Variants in GLIS1 observed in about 807,000 individuals in gnomAD.
The protein encoded by GLIS1 is GLIS family zinc finger 1, also known as zinc finger protein GLIS1.
In GLIS1, 24 loss-of-function variants were observed where a neutral mutation model predicts 63.8. The ratio of observed to expected loss-of-function variants is 0.38; its 90% CI spans 0.27 to 0.53. GLIS1 has a LOEUF of 0.53. GLIS1 is among the 20% of genes least tolerant of loss of function. The probability of loss-of-function intolerance (pLI) is 0.85; values close to 1 mark genes in which losing one functional copy is unlikely to be tolerated. For missense variants in GLIS1, 1,036 were observed against 1,074.1 expected (o/e 0.96, Z 0.50); for synonymous variants, 450 against 482.5 (o/e 0.93, Z 0.88).
In GLIS1 at chr1:53,560,037, G is replaced by A. The variant is rs1428773404; in HGVS notation, c.1321-30085C>T. Among the ~76,000 whole-genome samples, 2 of 152,110 alleles carry A rather than the reference G, an allele frequency of 1.3e-5. No homozygotes were observed. Among genetic ancestry groups the A allele is most frequent in the Non-Finnish European group, 2.9e-5 (2 of 68,020 alleles). On this transcript the variant is annotated intron_variant, in intron 4 of 10. Coordinates refer to ENST00000628545, the MANE Select transcript of GLIS1 (RefSeq NM_001367484.1). The surrounding 1 kb of genome is among the most constrained non-coding windows in gnomAD (Gnocchi z 4.4). ...CTTCCTCCTCTGGGAAGTGCTCCCT[G>A]ACTTCCCAGGCAGGATTAGAGGCCC...
At chr1:53,721,674 A>G (rs889082073) in intron 2 of GLIS1, among the ~76,000 whole-genome samples, 5 of 152,196 alleles carry the variant, frequency 3.3e-5, no homozygotes, top group Non-Finnish European at 7.3e-5. Context: ...TTTAAAAACT[A>G]TGTTTGGCAT....
intron 4 of GLIS1, among the ~76,000 whole-genome samples, chr1:53,548,901 G>A (rs147597396): frequency 1.1e-4 from 16 of 152,234 alleles, no homozygotes; most frequent in East Asian, 5.8e-4. Flanking sequence ...TATCACTCCC[G>A]AAAGAAACCT....
At chr1:53,714,717 G>A (rs950730135) in intron 2 of GLIS1, among the ~76,000 whole-genome samples, 1 of 152,132 alleles carries the variant, frequency 6.6e-6, no homozygotes, top group Non-Finnish European at 1.5e-5. Flanking sequence ...GATGAATTAA[G>A]TGTGGCCCTG....
chr1:53,586,066 C>A (rs1412469144), intron 4 of GLIS1, among the ~76,000 whole-genome samples: 2 of 152,166 alleles, frequency 1.3e-5, no homozygotes, highest in African/African-American at 2.4e-5. Flanking sequence ...GGGACTCAGT[C>A]TCCCCTCTGC....
chr1:53,553,478 G>A (rs1241462585), intron 4 of GLIS1, among the ~76,000 whole-genome samples: 1 of 152,194 alleles, frequency 6.6e-6, no homozygotes, highest in Non-Finnish European at 1.5e-5. Context: ...CTAGCTGCTG[G>A]TGACACAGTG....
At chr1:53,512,513 G>A (rs1172005520) in intron 8 of GLIS1, among the ~76,000 whole-genome samples, 2 of 152,134 alleles carry the variant, frequency 1.3e-5, no homozygotes, top group African/African-American at 2.4e-5. Context: ...GGGGAGCCAC[G>A]AGTGGCCGTT....
rs142543507 is a variant in GLIS1 at position 53,511,590 on chromosome 1, T to C, written c.1884-1563A>G. Among the ~76,000 whole-genome samples, 38 of 152,294 alleles carry C rather than the reference T, an allele frequency of 2.5e-4. No homozygotes were observed. The highest frequency in any genetic ancestry group is 8.7e-4 in the African/African-American group (36 of 41,580). ...CTGATACACTGTGGGTCCCTGTCAC[T>C]GTTTTAAGTTCATGAGACGAATCCT... is the stretch of plus-strand genomic sequence containing the variant. On this transcript the variant is annotated intron_variant, in intron 8 of 10. Coordinates refer to ENST00000628545, the MANE Select transcript of GLIS1 (RefSeq NM_001367484.1). The surrounding 1 kb of genome is among the most constrained non-coding windows in gnomAD (Gnocchi z 4.2).
At chr1:53,733,730 G>A (rs1297532265) in intron 2 of GLIS1, among the ~76,000 whole-genome samples, 1 of 152,070 alleles carries the variant, frequency 6.6e-6, no homozygotes, top group African/African-American at 2.4e-5. Flanking sequence ...TTGTCTCACT[G>A]AGCCTGACAT....
intron 4 of GLIS1, among the ~76,000 whole-genome samples, chr1:53,532,891 C>G (rs1417939489): frequency 1.3e-5 from 2 of 152,228 alleles, no homozygotes; most frequent in Non-Finnish European, 2.9e-5. Context: ...CCTCCTGGGA[C>G]TCCTTCCCTT....
intron 2 of GLIS1, among the ~76,000 whole-genome samples, chr1:53,612,558 G>A (rs1372554852): frequency 6.6e-6 from 1 of 151,888 alleles, no homozygotes; most frequent in Non-Finnish European, 1.5e-5. Context: ...TTACTTTTTG[G>A]CACTTCCCCA....
At chr1:53,586,528 G>A (rs959917470) in intron 4 of GLIS1, among the ~76,000 whole-genome samples, 1 of 152,244 alleles carries the variant, frequency 6.6e-6, no homozygotes, top group South Asian at 2.1e-4. Context: ...TGTCCAGAAC[G>A]GCCAGGACCA....
chr1:53,562,394 C>T lies in GLIS1; in HGVS notation c.1320+31714G>A, dbSNP rs138992846. The stretch of plus-strand genomic sequence containing the variant: ...ATGAAACTGAGATGTCAGAGAAGTG[C>T]AGCCCAACCAGGGAAAACAACGAGG... On this transcript the variant is annotated intron_variant, in intron 4 of 10. Transcript: ENST00000628545. Among the ~76,000 whole-genome samples, 666 of 152,266 alleles carry T rather than the reference C, an allele frequency of 4.4e-3. 6 individuals are homozygous for T. Among genetic ancestry groups the T allele is most frequent in the African/African-American group, 0.015 (628 of 41,532 alleles).
chr1:53,561,623 C>A (rs1012662448), intron 4 of GLIS1, among the ~76,000 whole-genome samples: 1 of 152,206 alleles, frequency 6.6e-6, no homozygotes, highest in Admixed American at 6.5e-5. Context: ...CCTGGCCATA[C>A]AAAATCCAGA....
At chr1:53,709,405 T>TATAC (rs1646620336) in intron 2 of GLIS1, among the ~76,000 whole-genome samples, 18 of 117,182 alleles carry the variant, frequency 1.5e-4, no homozygotes, top group East Asian at 4.6e-4. Context: ...CATATACATA[T>TATAC]ATATATACAC....
At chr1:53,676,360 C>T (rs1241475447) in intron 2 of GLIS1, among the ~76,000 whole-genome samples, 1 of 152,172 alleles carries the variant, frequency 6.6e-6, no homozygotes, top group Non-Finnish European at 1.5e-5. Flanking sequence ...TTCCCCAACT[C>T]AGTCTCCTCC....
intron 6 of GLIS1, among the ~76,000 whole-genome samples, chr1:53,523,016 C>G (rs931071888): frequency 5.1e-5 from 6 of 117,694 alleles, no homozygotes; most frequent in African/African-American, 2.6e-4. Context: ...GAGACAGGGT[C>G]TTGCTCTGTC....
Position 53,632,913 on chromosome 1 carries a change from G to A in GLIS1, c.260-32635C>T, listed in dbSNP as rs1645677393. On this transcript the variant is annotated intron_variant, in intron 2 of 10. Coordinates refer to ENST00000628545, the MANE Select transcript of GLIS1 (RefSeq NM_001367484.1). ...GGCGTGTGAATGAATGTGAATGAGA[G>A]GTGTGAATGAGTGTGACTGAGGGGC... Among the ~76,000 whole-genome samples, 9 of 136,774 alleles carry A rather than the reference G, an allele frequency of 6.6e-5. No individual in the cohort carries two copies. The South Asian group carries it at 2.3e-3, about 35-fold the overall frequency. The allele number at this position is 136,774 out of a possible 152,430, so 89.7% of individuals were successfully genotyped here.
intron 6 of GLIS1, among the ~76,000 whole-genome samples, chr1:53,521,099 A>T (rs1008811057): frequency 2.0e-5 from 3 of 152,192 alleles, no homozygotes; most frequent in African/African-American, 7.2e-5. Flanking sequence ...CCTCCGGGAC[A>T]GGGACTCAGG....
chr1:53,590,599 T>C (rs1645181098), intron 4 of GLIS1, among the ~76,000 whole-genome samples: 1 of 152,246 alleles, frequency 6.6e-6, no homozygotes, highest in Non-Finnish European at 1.5e-5. Flanking sequence ...GAAATTAATC[T>C]GTTCAAAGTT....
Sources: allele counts gnomAD v4.1 joint callset (sites outside exome capture counted in the v4.1 genomes callset), GRCh38; gene constraint gnomAD v4.1.1; non-coding constraint Gnocchi (gnomAD v3.1); transcripts MANE v1.5; gene names NCBI Gene and HGNC (gene_info 2026-07-23, HGNC 2026-07-21).